SNX24: variants seen among roughly 807,000 people sequenced by gnomAD.
SNX24 encodes sorting nexin-24.
SNX24 carries 22 observed loss-of-function variants against 28.7 expected under a neutral mutation model. The ratio of observed to expected loss-of-function variants is 0.77; its 90% confidence interval spans 0.55 to 1.10. The LOEUF (loss-of-function observed/expected upper bound fraction) is 1.10, where lower values mean the gene tolerates loss of function less well. SNX24 is among the 50% of genes least tolerant of loss of function. The pLI, the probability that SNX24 is intolerant of heterozygous loss-of-function variation, is 0.00. For missense variants in SNX24, 221 were observed against 201.1 expected (o/e 1.10, Z -0.60); for synonymous variants, 69 against 71.5 (o/e 0.96, Z 0.18).
intron 1 of SNX24, among the ~76,000 whole-genome samples, chr5:122,861,736 A>C (rs1755469942): frequency 1.3e-5 from 2 of 150,832 alleles, no homozygotes; most frequent in South Asian, 4.2e-4. Flanking sequence ...GAGGAGAGTG[A>C]GTTGGTATTT....
chr5:122,990,061 C>G (rs998779648), intron 3 of SNX24, among the ~76,000 whole-genome samples: 43 of 152,330 alleles, frequency 2.8e-4, no homozygotes, highest in African/African-American at 1.0e-3. Context: ...AGCCCCTCCT[C>G]CTAACTTTCT....
At chr5:122,941,941 A>C (rs929951031) in intron 2 of SNX24, among the ~76,000 whole-genome samples, 2 of 152,188 alleles carry the variant, frequency 1.3e-5, no homozygotes, top group Non-Finnish European at 2.9e-5. Flanking sequence ...TGGCCCAGGC[A>C]CAGGCTCCTG....
chr5:122,894,466 T>G (rs928750442), intron 1 of SNX24, among the ~76,000 whole-genome samples: 3 of 152,174 alleles, frequency 2.0e-5, no homozygotes, highest in Admixed American at 6.6e-5. Context: ...TCCATATGAA[T>G]TCACAAGAAT....
chr5:122,970,508 G>A (rs186357736), intron 3 of SNX24, among the ~76,000 whole-genome samples: 1 of 151,832 alleles, frequency 6.6e-6, no homozygotes, highest in Non-Finnish European at 1.5e-5. Flanking sequence ...TCGCTCTGTC[G>A]CCCAGGCTGG....
intron 6 of SNX24, among the ~76,000 whole-genome samples, chr5:123,005,443 C>T (rs1762390243): frequency 6.6e-6 from 1 of 152,200 alleles, no homozygotes; most frequent in South Asian, 2.1e-4. Flanking sequence ...GGGCCCTCTC[C>T]AGCCCATGCC....
chr5:122,940,935 T>C (rs1759418246), intron 2 of SNX24, among the ~76,000 whole-genome samples: 1 of 152,230 alleles, frequency 6.6e-6, no homozygotes, highest in South Asian at 2.1e-4. Context: ...ATCTGTTTCC[T>C]TGCCTTTTCC....
At chr5:122,934,568 C>T (rs1258673148) in intron 1 of SNX24, among the ~76,000 whole-genome samples, 1 of 152,078 alleles carries the variant, frequency 6.6e-6, no homozygotes, top group Non-Finnish European at 1.5e-5. Flanking sequence ...CCATTTTGGC[C>T]ACACTGGTCT....
At chr5:122,980,858 A>G (rs957249974) in intron 3 of SNX24, among the ~76,000 whole-genome samples, 10 of 152,066 alleles carry the variant, frequency 6.6e-5, no homozygotes, top group African/African-American at 1.7e-4. Context: ...CCTTCACTCT[A>G]CAGGTTGCTG....
intron 3 of SNX24, among the ~76,000 whole-genome samples, chr5:122,956,386 A>G (rs1476517089): frequency 2.7e-5 from 4 of 150,900 alleles, no homozygotes; most frequent in African/African-American, 9.8e-5. Context: ...ACACACACAC[A>G]CACACACACA....
chr5:123,020,199 T>A (rs1175153446), intron 5 of SNX24, among the ~76,000 whole-genome samples: 2 of 152,266 alleles, frequency 1.3e-5, no homozygotes, highest in Non-Finnish European at 2.9e-5. Context: ...GTCATTTGTT[T>A]CCAATTTTTC....
chr5:122,954,635 G>A (rs1035190230), intron 3 of SNX24, among the ~76,000 whole-genome samples: 16 of 151,438 alleles, frequency 1.1e-4, no homozygotes, highest in Admixed American at 5.3e-4. Flanking sequence ...CTCTGTTTAC[G>A]CTAGATATAG....
At chr5:122,985,719 A>G (rs1032845072) in intron 3 of SNX24, among the ~76,000 whole-genome samples, 3 of 152,176 alleles carry the variant, frequency 2.0e-5, no homozygotes, top group African/African-American at 7.2e-5. Context: ...GGTGGCATCT[A>G]TTGCCTTCCA....
intron 6 of SNX24, among the ~76,000 whole-genome samples, chr5:123,004,117 T>C (rs1164461108): frequency 6.6e-6 from 1 of 152,246 alleles, no homozygotes; most frequent in Non-Finnish European, 1.5e-5. Context: ...ACAGATGTAC[T>C]GACCCCGCCC....
At chr5:122,853,414 A>G (rs1019527816) in intron 1 of SNX24, among the ~76,000 whole-genome samples, 1 of 152,120 alleles carries the variant, frequency 6.6e-6, no homozygotes, top group Non-Finnish European at 1.5e-5. Flanking sequence ...GGCGTGAGCC[A>G]CCGCGCCCGG....
At chr5:122,932,072 A>G (rs1320309412) in intron 1 of SNX24, among the ~76,000 whole-genome samples, 1 of 152,224 alleles carries the variant, frequency 6.6e-6, no homozygotes, top group African/African-American at 2.4e-5. Context: ...TGGCTCTGAC[A>G]TGTAATAAAA....
At chr5:123,014,859 C>A (rs2150185497) in intron 5 of SNX24, among the ~76,000 whole-genome samples, 1 of 152,332 alleles carries the variant, frequency 6.6e-6, no homozygotes, top group East Asian at 1.9e-4. Flanking sequence ...CTTGGTCTCT[C>A]CACAAGACCT....
chr5:122,913,567 G>C (rs1418875649), intron 1 of SNX24, among the ~76,000 whole-genome samples: 1 of 151,656 alleles, frequency 6.6e-6, no homozygotes, highest in African/African-American at 2.4e-5. Flanking sequence ...TGGGCGGAGG[G>C]GCTCCTCACT....
At chr5:122,976,535 A>T (rs1370259864) in intron 3 of SNX24, among the ~76,000 whole-genome samples, 1 of 152,272 alleles carries the variant, frequency 6.6e-6, no homozygotes, top group South Asian at 2.1e-4. Flanking sequence ...GATTGATGCT[A>T]TTTATTTTTC....
intron 1 of SNX24, among the ~76,000 whole-genome samples, chr5:122,920,614 C>G (rs371355393): frequency 2.5e-4 from 38 of 152,248 alleles, no homozygotes; most frequent in South Asian, 4.1e-4. Flanking sequence ...TGCTAAGACT[C>G]TAGAAAACAA....
Sources: allele counts gnomAD v4.1 joint callset (sites outside exome capture counted in the v4.1 genomes callset), GRCh38; gene constraint gnomAD v4.1.1; transcripts MANE v1.5; gene names NCBI Gene and HGNC (gene_info 2026-07-23, HGNC 2026-07-21).